Variants in MAPKAP1 observed in about 807,000 individuals in gnomAD.
MAPKAP1 encodes the protein target of rapamycin complex 2 subunit MAPKAP1.
In MAPKAP1, 20 loss-of-function variants were observed where a neutral mutation model predicts 65.7. That is an observed-to-expected ratio of 0.30 (90% CI 0.21 to 0.44). MAPKAP1 has a LOEUF of 0.44. Among genes scored for constraint, MAPKAP1 ranks in the 20% least tolerant of loss-of-function variants. The pLI, the probability that MAPKAP1 is intolerant of heterozygous loss-of-function variation, is 1.00. For missense variants in MAPKAP1, 423 were observed against 648.0 expected, an observed-to-expected ratio of 0.65 and a Z score of 3.77; for synonymous variants, 222 against 244.3, an observed-to-expected ratio of 0.91 and a Z score of 0.85.
At chr9:125,606,224 CA>C (rs1832435170) in intron 4 of MAPKAP1, among the ~76,000 whole-genome samples, 1 of 151,290 alleles carries the variant, frequency 6.6e-6, no homozygotes, top group South Asian at 2.1e-4. Context: ...GGAAGAAGGG[CA>C]TAGGGAGGCG....
intron 4 of MAPKAP1, among the ~76,000 whole-genome samples, chr9:125,590,978 T>C (rs1159824511): frequency 6.6e-6 from 1 of 152,150 alleles, no homozygotes; most frequent in African/African-American, 2.4e-5. Context: ...TTTGCCATGT[T>C]GGCCAGGCTG....
chr9:125,579,431 A>G (rs1831548464), intron 5 of MAPKAP1, among the ~76,000 whole-genome samples: 1 of 152,178 alleles, frequency 6.6e-6, no homozygotes, highest in Non-Finnish European at 1.5e-5. Context: ...AGCTGGGATT[A>G]TAGGTGCCTG....
intron 1 of MAPKAP1, among the ~76,000 whole-genome samples, chr9:125,682,452 T>C (rs1347925274): frequency 2.6e-5 from 4 of 152,246 alleles, no homozygotes; most frequent in East Asian, 1.9e-4. Flanking sequence ...TTTGAAATAA[T>C]GTTTATGTGC....
At chr9:125,655,002 A>G (rs1833990745) in intron 4 of MAPKAP1, among the ~76,000 whole-genome samples, 2 of 152,188 alleles carry the variant, frequency 1.3e-5, no homozygotes, top group African/African-American at 4.8e-5. Flanking sequence ...TAAGCAACTC[A>G]GTTAATTATG....
chr9:125,576,197 C>T (rs914916158), intron 5 of MAPKAP1, among the ~76,000 whole-genome samples: 1 of 152,144 alleles, frequency 6.6e-6, no homozygotes, highest in Admixed American at 6.5e-5. Flanking sequence ...ATAGATGGAG[C>T]ACAGGACATT....
intron 10 of MAPKAP1, among the ~76,000 whole-genome samples, chr9:125,458,854 C>T (rs1853316389): frequency 2.6e-5 from 1 of 38,808 alleles, no homozygotes; most frequent in Non-Finnish European, 4.8e-5. Flanking sequence ...GGCTGACCCC[C>T]CCTACCTCCC....
At chr9:125,510,591 C>T (rs1274838361) in intron 7 of MAPKAP1, among the ~76,000 whole-genome samples, 5 of 152,228 alleles carry the variant, frequency 3.3e-5, no homozygotes, top group East Asian at 1.9e-4. Context: ...ACTGAAAATC[C>T]GTGTGTTTTC....
At chr9:125,506,114 A>G in intron 8 of MAPKAP1, 196 bp downstream of exon 8, 1 of 627,172 alleles carries the variant, frequency 1.6e-6, no homozygotes, top group Non-Finnish European at 2.9e-6. Flanking sequence ...AACAGGATGC[A>G]GCCTCTCTAC....
At chr9:125,632,621 C>A (rs1833319280) in intron 4 of MAPKAP1, among the ~76,000 whole-genome samples, 2 of 149,984 alleles carry the variant, frequency 1.3e-5, no homozygotes, top group Non-Finnish European at 3.0e-5. Flanking sequence ...GTCAAGACCA[C>A]TTTAGTCCCT....
intron 7 of MAPKAP1, among the ~76,000 whole-genome samples, chr9:125,541,478 A>G (rs1198958442): frequency 6.6e-6 from 1 of 152,238 alleles, no homozygotes; most frequent in Non-Finnish European, 1.5e-5. Context: ...TTTATATAAA[A>G]TATTTGGGAC....
At chr9:125,537,044 C>T (rs1830093502) in intron 7 of MAPKAP1, among the ~76,000 whole-genome samples, 1 of 152,206 alleles carries the variant, frequency 6.6e-6, no homozygotes, top group African/African-American at 2.4e-5. Context: ...AATCAATGAA[C>T]ATTTCTGTTT....
At chr9:125,579,906 C>T (rs1237519358) in intron 5 of MAPKAP1, among the ~76,000 whole-genome samples, 2 of 152,126 alleles carry the variant, frequency 1.3e-5, no homozygotes, top group Non-Finnish European at 2.9e-5. Flanking sequence ...GGTTTAGACT[C>T]AATATAATCA....
At chr9:125,621,897 G>A (rs1267413761) in intron 4 of MAPKAP1, among the ~76,000 whole-genome samples, 2 of 152,184 alleles carry the variant, frequency 1.3e-5, no homozygotes, top group Admixed American at 6.5e-5. Context: ...GGAACCAACA[G>A]ATGAACAGAT....
chr9:125,459,464 G>C (rs970103651), intron 10 of MAPKAP1, among the ~76,000 whole-genome samples: 22 of 108,660 alleles, frequency 2.0e-4, no homozygotes, highest in South Asian at 1.8e-3. Context: ...CAAGGCAGGC[G>C]GCTGGGAGGT....
At chr9:125,679,439 A>G (rs1447079892) in intron 1 of MAPKAP1, among the ~76,000 whole-genome samples, 1 of 152,160 alleles carries the variant, frequency 6.6e-6, no homozygotes, top group East Asian at 1.9e-4. Context: ...CCCTCCACTA[A>G]CAACAGTGCT....
chr9:125,694,204 C>G (rs1267793050), intron 1 of MAPKAP1, among the ~76,000 whole-genome samples: 1 of 151,526 alleles, frequency 6.6e-6, no homozygotes, highest in African/African-American at 2.4e-5. Flanking sequence ...GGTGCACACC[C>G]GTAATCTCAG....
intron 1 of MAPKAP1, among the ~76,000 whole-genome samples, chr9:125,695,123 C>T (rs1835345271): frequency 2.6e-5 from 4 of 152,010 alleles, no homozygotes; most frequent in South Asian, 2.1e-4. Flanking sequence ...GGGATGTGTC[C>T]GTATTTTAAC....
chr9:125,647,553 G>A (rs1833763558), intron 4 of MAPKAP1, among the ~76,000 whole-genome samples: 1 of 152,176 alleles, frequency 6.6e-6, no homozygotes, highest in South Asian at 2.1e-4. Context: ...CTGGTTTGTT[G>A]TTCGTGGTTC....
intron 5 of MAPKAP1, among the ~76,000 whole-genome samples, chr9:125,569,709 C>T (rs888915554): frequency 6.6e-6 from 1 of 152,186 alleles, no homozygotes; most frequent in Admixed American, 6.5e-5. Flanking sequence ...GGACTCCACC[C>T]TAAAGCCAGT....
Sources: allele counts gnomAD v4.1 joint callset (sites outside exome capture counted in the v4.1 genomes callset), GRCh38; gene constraint gnomAD v4.1.1; transcripts MANE v1.5; gene names NCBI Gene and HGNC (gene_info 2026-07-23, HGNC 2026-07-21).